The following JADE3 variants were observed in gnomAD, a reference collection of about 807,000 sequenced individuals.
JADE3 encodes jade family PHD finger 3.
A neutral mutation model predicts 50.1 loss-of-function variants in JADE3; 2 were observed. That is an observed-to-expected ratio of 0.04 (90% CI 0.02 to 0.13). The LOEUF (loss-of-function observed/expected upper bound fraction) is 0.13. Among genes scored for constraint, JADE3 ranks in the 10% least tolerant of loss-of-function variants. JADE3 has a pLI of 1.00. For synonymous variants in JADE3, 218 were observed against 232.9 expected (o/e 0.94, Z 0.58); for missense variants, 475 against 634.4 (o/e 0.75, Z 2.70).
chrX:47,021,261 G>GCCAT (rs1215169512), intron 4 of JADE3, among the ~76,000 whole-genome samples: 1 of 111,100 alleles, frequency 9.0e-6, no homozygotes, highest in African/African-American at 3.3e-5. Context: ...GTAGGATTTT[G>GCCAT]CCATCCATCC....
chrX:46,936,261 C>T (rs1979660735), intron 1 of JADE3, among the ~76,000 whole-genome samples: 1 of 111,309 alleles, frequency 9.0e-6, no homozygotes, highest in Non-Finnish European at 1.9e-5. Flanking sequence ...TCAGGTGATC[C>T]GCCCATCTCA....
intron 1 of JADE3, among the ~76,000 whole-genome samples, chrX:46,963,267 G>A (rs782553754): frequency 1.8e-5 from 2 of 111,865 alleles, no homozygotes; most frequent in East Asian, 2.8e-4. Context: ...TTTGCTACTC[G>A]TATGGCTGCT....
intron 7 of JADE3, among the ~76,000 whole-genome samples, 175 bp from the exon 8 acceptor site, chrX:47,038,774 G>T: frequency 9.0e-6 from 1 of 111,205 alleles, no homozygotes; most frequent in East Asian, 2.8e-4. Context: ...AATGAGTGAA[G>T]GACTGAGCAG....
chrX:46,995,710 G>T (rs1174183422), intron 3 of JADE3, among the ~76,000 whole-genome samples: 2 of 111,546 alleles, frequency 1.8e-5, no homozygotes, highest in Non-Finnish European at 3.8e-5. Flanking sequence ...TCACTTTGCA[G>T]ATATCTTCTG....
chrX:47,059,230 GT>G lies in JADE3; in HGVS notation c.*156del. ...AAATTGTCTTGCAGTTTTTGAAAAT[GT>G]TTCAAGTCTAGTTTTTACAAGCACA... On this transcript the variant is annotated 3_prime_UTR_variant, in exon 11 of 11. Coordinates refer to ENST00000614628, the MANE Select transcript of JADE3 (RefSeq NM_014735.5). 2.2e-6 allele frequency: 1 copy of G among 459,500 alleles called. No individual in the cohort carries two copies. The highest frequency in any genetic ancestry group is 4.5e-5 in the Admixed American group (1 of 22,013). 37.9% of individuals were successfully genotyped at this position (459,500 alleles called of 1,213,427 possible). A position where few individuals can be genotyped will look rare whatever the true frequency, so the allele number is the denominator to read the frequency against.
intron 1 of JADE3, among the ~76,000 whole-genome samples, chrX:46,926,389 C>G (rs1926367165): frequency 9.1e-6 from 1 of 109,649 alleles, no homozygotes; most frequent in Non-Finnish European, 1.9e-5. Context: ...GGCCTACAGG[C>G]ACGCATTACC....
At chrX:46,979,429 G>A (rs1478506215) in intron 1 of JADE3, among the ~76,000 whole-genome samples, 1 of 111,703 alleles carries the variant, frequency 9.0e-6, no homozygotes, top group Non-Finnish European at 1.9e-5. Context: ...AGGGTCCATG[G>A]TCAGTTGGCT....
chrX:46,975,965 T>C (rs1056588763), intron 1 of JADE3, among the ~76,000 whole-genome samples: 1 of 110,194 alleles, frequency 9.1e-6, no homozygotes, highest in Non-Finnish European at 1.9e-5. Context: ...TGGCCTCAAG[T>C]GATCTGCCCA....
At chrX:46,920,953 A>T (rs782448940) in intron 1 of JADE3, among the ~76,000 whole-genome samples, 8 of 112,031 alleles carry the variant, frequency 7.1e-5, no homozygotes, top group East Asian at 2.8e-4. Flanking sequence ...TTTTAAAAAA[A>T]TTTTTTTATA....
At chrX:47,039,358 G>A (rs1273261004) in intron 8 of JADE3, among the ~76,000 whole-genome samples, 4 of 109,112 alleles carry the variant, frequency 3.7e-5, no homozygotes, top group East Asian at 2.8e-4. Context: ...GGTGGAAATC[G>A]GCTATAATTC....
intron 7 of JADE3, among the ~76,000 whole-genome samples, chrX:47,036,711 A>G (rs1222902858): frequency 2.5e-5 from 2 of 79,616 alleles, no homozygotes; most frequent in Middle Eastern, 5.6e-3. Context: ...AACCAACCCA[A>G]ATGTCCAACA....
In JADE3 at chrX:47,058,497, A is replaced by G. The variant is rs781854505; in HGVS notation, c.1892A>G (p.Tyr631Cys). ...PAWRTPSSEC[Y>C]HGQSLGKPLV... ...TGGAGAACCCCGTCCTCGGAGTGCTATCATGGGCAGTCACTGGGAAAGCCT... is the reference window on the plus strand; with the variant it reads ...TGGAGAACCCCGTCCTCGGAGTGCTGTCATGGGCAGTCACTGGGAAAGCCT... Residue 631 changes from tyrosine (Y) to cysteine (C), a missense_variant, in exon 11 of 11, where the codon TAT becomes TGT. By Grantham distance (194) the Tyr-to-Cys change is radical (BLOSUM62 -2). Around this residue, in one of 6 missense-constraint regions of JADE3, gnomAD observed 243 missense variants for 238.2 expected, o/e 1.02. Coordinates refer to ENST00000614628, the MANE Select transcript of JADE3 (RefSeq NM_014735.5). The G allele has an allele frequency of 4.1e-6, 5 of 1,211,504 alleles. No homozygotes were observed. Among genetic ancestry groups the G allele is most frequent in the Non-Finnish European group, 5.6e-6 (5 of 895,180 alleles).
intron 1 of JADE3, among the ~76,000 whole-genome samples, chrX:46,947,691 A>G (rs781855211): frequency 9.0e-6 from 1 of 111,305 alleles, no homozygotes; most frequent in Admixed American, 9.6e-5. Flanking sequence ...TAGCTGTCCA[A>G]TTACATCTGA....
At chrX:47,018,587 G>A (rs1928727246) in intron 4 of JADE3, among the ~76,000 whole-genome samples, 1 of 111,900 alleles carries the variant, frequency 8.9e-6, no homozygotes, top group East Asian at 2.8e-4. Context: ...ACCCGCCTCG[G>A]CCTCCCAAAG....
Position 46,994,969 on chromosome X carries a change from A to ACT in JADE3, c.127-3150_127-3149insTC, listed in dbSNP as rs377143745. ...GAATTTGGATAACTTGCTGAAAGCT[A>ACT]CAGTAGTGAAATCAGTATACCAATC... On this transcript the variant is annotated intron_variant, in intron 3 of 10. Coordinates refer to ENST00000614628, the MANE Select transcript of JADE3 (RefSeq NM_014735.5). Among the ~76,000 whole-genome samples the ACT allele has an allele frequency of 5.1e-3, 571 of 111,216 alleles. 2 individuals carry two copies. The highest frequency in any genetic ancestry group is 0.025 in the South Asian group (65 of 2,626).
chrX:46,951,581 G>A (rs1395508631), intron 1 of JADE3, among the ~76,000 whole-genome samples: 8 of 6,044 alleles, frequency 1.3e-3, no homozygotes, highest in Non-Finnish European at 0.012. Context: ...GTGAGACTCC[G>A]TCTCAAAAAA....
At chrX:47,004,224 C>A (rs1928360612) in intron 4 of JADE3, among the ~76,000 whole-genome samples, 1 of 111,380 alleles carries the variant, frequency 9.0e-6, no homozygotes, top group Non-Finnish European at 1.9e-5. Context: ...GTGCACCCAA[C>A]CTCTCATGAT....
chrX:47,044,859 C>G (rs1262355116), intron 8 of JADE3, among the ~76,000 whole-genome samples: 1 of 111,748 alleles, frequency 8.9e-6, no homozygotes, highest in Non-Finnish European at 1.9e-5. Context: ...AAGTTGTCAT[C>G]AGTTTAAAAT....
At chrX:46,994,560 G>T (rs1432238318) in intron 3 of JADE3, among the ~76,000 whole-genome samples, 1 of 112,087 alleles carries the variant, frequency 8.9e-6, no homozygotes, top group Non-Finnish European at 1.9e-5. Context: ...ACAAATGGCT[G>T]TGTTTTATTT....
Sources: gnomAD v4.1 joint callset for allele counts (sites outside exome capture counted in the v4.1 genomes callset) on GRCh38, gnomAD v4.1.1 for gene constraint, gnomAD v4.1.1 regional missense constraint, MANE v1.5 for transcripts, NCBI Gene and HGNC (gene_info 2026-07-23, HGNC 2026-07-21) for gene names.